MAGI2: variants seen among roughly 807,000 people sequenced by gnomAD.
MAGI2 encodes the protein membrane-associated guanylate kinase, WW and PDZ domain-containing protein 2.
MAGI2 carries 35 observed loss-of-function variants against 133.3 expected under a neutral mutation model. The observed-to-expected ratio is 0.26, with a 90% CI of 0.20 to 0.35. The LOEUF (loss-of-function observed/expected upper bound fraction) is 0.35. Among genes scored for constraint, MAGI2 ranks in the 10% least tolerant of loss-of-function variants. The pLI is 1.00. For missense variants in MAGI2, 1,636 were observed against 1,863.4 expected (o/e 0.88, Z 2.25); for synonymous variants, 729 against 710.6 (o/e 1.03, Z -0.41).
At chr7:78,083,387 GGAGA>G (rs747230358) in intron 20 of MAGI2, among the ~76,000 whole-genome samples, 2,750 of 32,760 alleles carry the variant, frequency 0.084, 30 homozygotes, top group Middle Eastern at 0.15. Context: ...AGGGAGGGGG[GGAGA>G]GAGAGAGAGA....
intron 2 of MAGI2, among the ~76,000 whole-genome samples, chr7:78,778,284 A>C (rs545871460): frequency 6.6e-6 from 1 of 152,324 alleles, no homozygotes; most frequent in South Asian, 2.1e-4. Context: ...TTTATTGTCC[A>C]TACCTTCCAC....
chr7:79,451,129 A>C (rs955122833), intron 1 of MAGI2, among the ~76,000 whole-genome samples: 6 of 152,218 alleles, frequency 3.9e-5, no homozygotes, highest in Non-Finnish European at 8.8e-5. Flanking sequence ...CTAGCGTGAC[A>C]GTTTGCCAAC....
At chr7:79,292,803 C>CAG (rs1481848559) in intron 1 of MAGI2, among the ~76,000 whole-genome samples, 1 of 38,128 alleles carries the variant, frequency 2.6e-5, no homozygotes, top group African/African-American at 6.0e-5. Context: ...AAAAAAAAGG[C>CAG]AGCTCCTCAG....
At chr7:78,144,058 T>C (rs1329208979) in intron 16 of MAGI2, among the ~76,000 whole-genome samples, 3 of 152,070 alleles carry the variant, frequency 2.0e-5, no homozygotes, top group Non-Finnish European at 1.5e-5. Flanking sequence ...AGCAAGCTAA[T>C]TGTTTTCCTT....
chr7:78,325,946 G>C (rs765943823), intron 9 of MAGI2, among the ~76,000 whole-genome samples: 2 of 152,126 alleles, frequency 1.3e-5, no homozygotes, highest in African/African-American at 2.4e-5. Context: ...TGATCATGTT[G>C]CTCCCCTACT....
At chr7:78,744,607 A>G (rs761403038) in intron 2 of MAGI2, among the ~76,000 whole-genome samples, 46 of 152,264 alleles carry the variant, frequency 3.0e-4, no homozygotes, top group African/African-American at 8.9e-4. Context: ...GGAACTTTGC[A>G]TGAGTCTAAT....
intron 1 of MAGI2, among the ~76,000 whole-genome samples, chr7:79,399,093 TTC>T (rs1585840616): frequency 2.7e-4 from 36 of 132,296 alleles, no homozygotes; most frequent in African/African-American, 1.0e-3. Flanking sequence ...TTTTTTTCTT[TTC>T]TTTTTTTTTT....
chr7:78,298,044 T>A (rs1375997600), intron 9 of MAGI2, among the ~76,000 whole-genome samples: 2 of 152,104 alleles, frequency 1.3e-5, no homozygotes, highest in African/African-American at 2.4e-5. Flanking sequence ...CAATGTCATG[T>A]TGATAGCATA....
In MAGI2 at chr7:78,937,497, C is replaced by A. The variant is rs1349106715; in HGVS notation, c.418+69593G>T. 2.0e-5 allele frequency among the ~76,000 whole-genome samples: 3 copies of A among 152,210 alleles called. No homozygotes were observed. In the East Asian group the frequency reaches 5.8e-4, roughly 29 times the overall value. Reference sequence around the variant, plus strand: ...TGTTTACATAAGGTATTTTCACAGTCTCCAAGTGTTTTTCCATAATACTTA... The same window carrying A: ...TGTTTACATAAGGTATTTTCACAGTATCCAAGTGTTTTTCCATAATACTTA... On this transcript the variant is annotated intron_variant, in intron 2 of 21. Coordinates refer to ENST00000354212, the MANE Select transcript of MAGI2 (RefSeq NM_012301.4).
chr7:79,007,993 GTAGATCTATCAAATACTTATTTGATATT>G (rs1807631531), intron 1 of MAGI2, among the ~76,000 whole-genome samples: 1 of 151,720 alleles, frequency 6.6e-6, no homozygotes, highest in Non-Finnish European at 1.5e-5. Flanking sequence ...AGCCAATAAT[GTAGATCTATCAAATACTTATTTGATATT>G]TAAAGATGAC....
chr7:78,132,748 T>G, intron 18 of MAGI2, 141 bp downstream of exon 18: 2 of 1,256,416 alleles, frequency 1.6e-6, no homozygotes, highest in Non-Finnish European at 2.3e-6. Flanking sequence ...ACACACAACC[T>G]CGAAATCACA....
chr7:78,185,517 A>G, intron 13 of MAGI2, 112 bp downstream of exon 13: 1 of 775,974 alleles, frequency 1.3e-6, no homozygotes, highest in Non-Finnish European at 2.0e-6. Context: ...GTAGGTGACT[A>G]AAGTAGCACA....
intron 1 of MAGI2, among the ~76,000 whole-genome samples, chr7:79,340,428 T>C (rs946257062): frequency 6.6e-6 from 1 of 152,154 alleles, no homozygotes; most frequent in Non-Finnish European, 1.5e-5. Context: ...TGTCTGGAGT[T>C]CTTGCACTTA....
At chr7:79,205,525 T>C (rs1480384663) in intron 1 of MAGI2, among the ~76,000 whole-genome samples, 1 of 151,862 alleles carries the variant, frequency 6.6e-6, no homozygotes, top group Non-Finnish European at 1.5e-5. Context: ...GACACTAATA[T>C]GTAATATGAA....
At chr7:78,034,727 C>T (rs1809991506) in intron 21 of MAGI2, among the ~76,000 whole-genome samples, 2 of 152,070 alleles carry the variant, frequency 1.3e-5, no homozygotes, top group Non-Finnish European at 2.9e-5. Context: ...AGGGTTTCAC[C>T]ATGTTGGCCA....
chr7:78,804,472 G>A (rs886535888), intron 2 of MAGI2, among the ~76,000 whole-genome samples: 5 of 151,670 alleles, frequency 3.3e-5, no homozygotes, highest in African/African-American at 9.7e-5. Flanking sequence ...CTTTGGGCCA[G>A]GCACGGTGGC....
chr7:78,148,113 A>G (rs530377242), intron 16 of MAGI2, among the ~76,000 whole-genome samples: 1 of 152,328 alleles, frequency 6.6e-6, no homozygotes, highest in South Asian at 2.1e-4. Context: ...CTTTATTTGT[A>G]ATCACCAGAA....
chr7:79,194,998 C>G (rs1827959963), intron 1 of MAGI2, among the ~76,000 whole-genome samples: 1 of 151,910 alleles, frequency 6.6e-6, no homozygotes, highest in Non-Finnish European at 1.5e-5. Context: ...AGCTCTTGGG[C>G]AATAAGTAAT....
At chr7:78,591,916 G>T (rs762009534) in intron 3 of MAGI2, among the ~76,000 whole-genome samples, 1 of 152,194 alleles carries the variant, frequency 6.6e-6, no homozygotes, top group East Asian at 1.9e-4. Context: ...CAGCATAAGA[G>T]AAGACTCTTG....
Sources: allele counts gnomAD v4.1 joint callset (sites outside exome capture counted in the v4.1 genomes callset), GRCh38; gene constraint gnomAD v4.1.1; transcripts MANE v1.5; gene names NCBI Gene and HGNC (gene_info 2026-07-23, HGNC 2026-07-21).